Variants in HOXA1 observed in about 807,000 individuals in gnomAD.
The protein encoded by HOXA1 is homeobox protein Hox-A1.
Under a neutral mutation model 28.3 loss-of-function variants are expected in HOXA1, and 21 were observed. The observed-to-expected ratio is 0.74, with a 90% CI of 0.53 to 1.07. The LOEUF is 1.07. HOXA1 is among the 50% of genes least tolerant of loss of function. The pLI is 0.00. For missense variants in HOXA1, 446 were observed against 434.3 expected, an observed-to-expected ratio of 1.03 and a Z score of -0.24; for synonymous variants, 208 against 181.2, an observed-to-expected ratio of 1.15 and a Z score of -1.19.
In HOXA1 at chr7:27,094,368, T is replaced by C. The variant is rs1287328509; in HGVS notation, c.*72A>G. The stretch of plus-strand genomic sequence containing the variant: ...ACTGTAAATGGAAAGAAAGATAAGC[T>C]AAGCATGTGCTTTGGGTAAGAAGTC... On this transcript the variant is annotated 3_prime_UTR_variant, in exon 2 of 2. Transcript: ENST00000643460. 1.0e-6 allele frequency: 1 copy of C among 1,004,232 alleles called. No homozygotes were observed. Among genetic ancestry groups the C allele is most frequent in the African/African-American group, 1.6e-5 (1 of 63,258 alleles). 62.2% of individuals were successfully genotyped at this position (1,004,232 alleles called of 1,614,324 possible).
chr7:27,095,815 C>G lies in HOXA1; in HGVS notation c.98G>C (p.Arg33Thr). ...CGCGCACGACTGGAAAGTTGTAATC[C>G]TATGGTCCGAGGGGTAGGCTCGGGC... ...CSARAYPSDH[R>T]ITTFQSCAVS... Residue 33 changes from arginine to threonine, a missense_variant, in exon 1 of 2, where the codon AGG becomes ACG. Arg to Thr is a moderately conservative substitution (Grantham distance 71). Coordinates refer to ENST00000643460, the MANE Select transcript of HOXA1 (RefSeq NM_005522.5). 6.2e-7 allele frequency: 1 copy of G among 1,614,016 alleles called. No homozygotes were observed. Among genetic ancestry groups the G allele is most frequent in the East Asian group, 2.2e-5 (1 of 44,854 alleles).
Position 27,095,793 on chromosome 7 carries a change from G to C in HOXA1, c.120C>G (p.Cys40Trp), listed in dbSNP as rs200922808. The change falls in exon 1 of 2, where the codon TGC becomes TGG. Residue 40 changes from cysteine to tryptophan, a missense_variant. Physicochemically the swap from Cys to Trp is radical, Grantham distance 215. Transcript: ENST00000643460. ...CGCCGCAACTGTTGGCGCTGACCGC[G>C]CACGACTGGAAAGTTGTAATCCTAT... ...SDHRITTFQSCAVSANSCGGD... is the reference protein window; with the variant it reads ...SDHRITTFQSWAVSANSCGGD... 1.6e-5 allele frequency: 26 copies of C among 1,613,570 alleles called. No individual in the cohort carries two copies. The Admixed American group carries it at 2.3e-4, about 14-fold the overall frequency.
chr7:27,094,835 A>T (rs1314290493), intron 1 of HOXA1, 40 bp from the exon 2 acceptor site: 7 of 1,512,038 alleles, frequency 4.6e-6, no homozygotes, highest in Non-Finnish European at 6.4e-6. Flanking sequence ...AAATGTAAAA[A>T]TTTTTAAATC....
chr7:27,094,584 C>T lies in HOXA1; in HGVS notation c.864G>A (p.Glu288=). ...GAGAGATGGGCAAGAGACCCTCCTT[C>T]TCACGTTTCTTTTGCTTCATTCGGC... ...QNRRMKQKKR[E]KEGLLPISPA... is the part of the protein sequence containing the mutation. The change falls in exon 2 of 2, where the codon GAG becomes GAA. Residue 288 remains glutamate (E), a synonymous_variant. Coordinates refer to ENST00000643460, the MANE Select transcript of HOXA1 (RefSeq NM_005522.5). 1 of 1,614,212 alleles carries T rather than the reference C, an allele frequency of 6.2e-7. No homozygotes were observed. The highest frequency in any genetic ancestry group is 8.5e-7 in the Non-Finnish European group (1 of 1,180,032).
rs2128033069 is a variant in HOXA1 at position 27,095,487 on chromosome 7, A to G, written c.426T>C (p.His142=). The G allele has an allele frequency of 1.9e-6, 3 of 1,613,866 alleles. No homozygotes were observed. The highest frequency in any genetic ancestry group is 2.5e-6 in the Non-Finnish European group (3 of 1,179,960). The change falls in exon 1 of 2, where the codon CAT becomes CAC. Residue 142 remains histidine, a synonymous_variant. Coordinates refer to ENST00000643460, the MANE Select transcript of HOXA1 (RefSeq NM_005522.5). ...SGNLSSPMVQ[H]HHHHQGYAGG... ...CAGCATAACCCTGGTGGTGGTGGTG[A>G]TGCTGGACCATGGGAGATGAGAGAT...
At position 27,094,400 on chromosome 7, in the gene HOXA1, C is replaced by G. The variant is rs368587915; in HGVS notation, c.*40G>C. 2.2e-6 allele frequency: 3 copies of G among 1,391,328 alleles called. No individual in the cohort carries two copies. Among genetic ancestry groups the G allele is most frequent in the African/African-American group, 2.8e-5 (2 of 70,424 alleles). 86.2% of individuals were successfully genotyped at this position (1,391,328 alleles called of 1,614,324 possible). On this transcript the variant is annotated 3_prime_UTR_variant, in exon 2 of 2. Coordinates refer to ENST00000643460, the MANE Select transcript of HOXA1 (RefSeq NM_005522.5). ...GTGCTTTGGGTAAGAAGTCCCAGCC[C>G]AAGGAGATGCCTGGGCTGTTGTCTG...
Position 27,095,980 on chromosome 7 carries a change from G to A in HOXA1, c.-68C>T. 2 of 1,277,602 alleles carry A rather than the reference G, an allele frequency of 1.6e-6. No homozygotes were observed. Among genetic ancestry groups the A allele is most frequent in the South Asian group, 2.4e-5 (2 of 84,142 alleles). The allele number at this position is 1,277,602 out of a possible 1,614,324, so 79.1% of individuals were successfully genotyped here. On this transcript the variant is annotated 5_prime_UTR_variant, in exon 1 of 2. Coordinates refer to ENST00000643460, the MANE Select transcript of HOXA1 (RefSeq NM_005522.5). ...TGCCAACTTTCTCACTTCCTCCATGGGGCCGGAGAAGAAAAATGATATGAA... is the reference window on the plus strand; with the variant it reads ...TGCCAACTTTCTCACTTCCTCCATGAGGCCGGAGAAGAAAAATGATATGAA...
In HOXA1 at chr7:27,094,527, G is replaced by A. The variant is rs754884149; in HGVS notation, c.921C>T (p.Ala307=). Residue 307 remains alanine, a synonymous_variant, in exon 2 of 2, where the codon GCC becomes GCT. Transcript: ENST00000643460. ...PATPPGNDEK[A]EESSEKSSSS... is the part of the protein sequence containing the mutation. The stretch of plus-strand genomic sequence containing the variant: ...AGCTGGACTTCTCTGAGGATTCCTC[G>A]GCCTTCTCGTCGTTTCCTGGCGGGG... 2 of 1,614,182 alleles carry A rather than the reference G, an allele frequency of 1.2e-6. No homozygotes were observed. The highest frequency in any genetic ancestry group is 2.2e-5 in the East Asian group (1 of 44,880).
In HOXA1 at chr7:27,095,789, C is replaced by T. The variant is rs865943119; in HGVS notation, c.124G>A (p.Val42Ile). The change falls in exon 1 of 2, where the codon GTC becomes ATC. Residue 42 changes from valine (V) to isoleucine (I), a missense_variant. Val to Ile is a conservative substitution (Grantham distance 29). Coordinates refer to ENST00000643460, the MANE Select transcript of HOXA1 (RefSeq NM_005522.5). ...TCGCCGCCGCAACTGTTGGCGCTGA[C>T]CGCGCACGACTGGAAAGTTGTAATC... ...HRITTFQSCA[V>I]SANSCGGDDR... is the part of the protein sequence containing the mutation. The T allele has an allele frequency of 2.5e-6, 4 of 1,613,330 alleles. No homozygotes were observed. The highest frequency in any genetic ancestry group is 3.3e-5 in the Admixed American group (2 of 59,994).
In HOXA1 at chr7:27,095,923, G is replaced by A; in HGVS notation, c.-11C>T. On this transcript the variant is annotated 5_prime_UTR_variant, in exon 1 of 2. Coordinates refer to ENST00000643460, the MANE Select transcript of HOXA1 (RefSeq NM_005522.5). ...TCTTGCATTGTCCATCTGTCACTGA[G>A]TGACCTGGTCCTGCGAAGCCCGGCG... 6.2e-7 allele frequency: 1 copy of A among 1,612,768 alleles called. No homozygotes were observed. The highest frequency in any genetic ancestry group is 8.5e-7 in the Non-Finnish European group (1 of 1,179,688).
Position 27,095,978 on chromosome 7 carries a change from T to C in HOXA1, c.-66A>G, listed in dbSNP as rs376159031. 28 of 1,020,232 alleles carry C rather than the reference T, an allele frequency of 2.7e-5. No homozygotes were observed. Among genetic ancestry groups the C allele is most frequent in the East Asian group, 1.6e-4 (3 of 18,492 alleles). The allele number at this position is 1,020,232 out of a possible 1,614,324, so 63.2% of individuals were successfully genotyped here. A position where few individuals can be genotyped will look rare whatever the true frequency, so the allele number is the denominator to read the frequency against. On this transcript the variant is annotated 5_prime_UTR_variant, in exon 1 of 2. An upstream start codon of the reference 5' UTR is lost. Transcript: ENST00000643460. ...TGTGCCAACTTTCTCACTTCCTCCA[T>C]GGGGCCGGAGAAGAAAAATGATATG...
rs746688404 is a variant in HOXA1 at position 27,094,565 on chromosome 7, T to C, written c.883A>G (p.Ile295Val). The C allele has an allele frequency of 6.2e-7, 1 of 1,614,190 alleles. No homozygotes were observed. The highest frequency in any genetic ancestry group is 8.5e-7 in the Non-Finnish European group (1 of 1,180,014). ...KKREKEGLLP[I>V]SPATPPGNDE... Reference sequence around the variant, plus strand: ...TTTCCTGGCGGGGTGGCCGGAGAGATGGGCAAGAGACCCTCCTTCTCACGT... The same window carrying C: ...TTTCCTGGCGGGGTGGCCGGAGAGACGGGCAAGAGACCCTCCTTCTCACGT... Residue 295 changes from isoleucine (I) to valine (V), a missense_variant, in exon 2 of 2, where the codon ATC (isoleucine) becomes GTC (valine). Physicochemically the swap from Ile to Val is conservative, Grantham distance 29. Transcript: ENST00000643460.
At position 27,094,557 on chromosome 7, in the gene HOXA1, C is replaced by T. The variant is rs1161636305; in HGVS notation, c.891G>A (p.Pro297=). The T allele has an allele frequency of 2.5e-6, 4 of 1,614,162 alleles. No individual in the cohort carries two copies. The South Asian group carries it at 3.3e-5, about 13-fold the overall frequency. The change falls in exon 2 of 2, where the codon CCG becomes CCA. Residue 297 remains proline, a synonymous_variant. Coordinates refer to ENST00000643460, the MANE Select transcript of HOXA1 (RefSeq NM_005522.5). ...TCTCGTCGTTTCCTGGCGGGGTGGC[C>T]GGAGAGATGGGCAAGAGACCCTCCT... is the stretch of plus-strand genomic sequence containing the variant. The part of the protein sequence containing the change: ...REKEGLLPIS[P]ATPPGNDEKA...
rs1171924849 is a variant in HOXA1 at position 27,095,884 on chromosome 7, A to G, written c.29T>C (p.Leu10Pro). The change falls in exon 1 of 2, where the codon CTG becomes CCG. Residue 10 changes from leucine to proline, a missense_variant. By Grantham distance (98) the Leu-to-Pro change is moderately conservative. Coordinates refer to ENST00000643460, the MANE Select transcript of HOXA1 (RefSeq NM_005522.5). MDNARMNSFLEYPILSSGDS... is the reference protein window; with the variant it reads MDNARMNSFPEYPILSSGDS... The stretch of plus-strand genomic sequence containing the variant: ...GCCACTGCTAAGTATGGGGTATTCC[A>G]GGAAGGAGTTCATTCTTGCATTGTC... The G allele has an allele frequency of 1.9e-6, 3 of 1,613,778 alleles. No individual in the cohort carries two copies. Among genetic ancestry groups the G allele is most frequent in the South Asian group, 2.2e-5 (2 of 91,088 alleles).
intron 1 of HOXA1, 116 bp from the exon 2 acceptor site, chr7:27,094,911 A>T: frequency 1.2e-6 from 1 of 817,264 alleles, no homozygotes; most frequent in Non-Finnish European, 2.0e-6. Flanking sequence ...AACTCAGCAC[A>T]AATCGGGCTG....
chr7:27,095,153 G>C (rs1205255379), intron 1 of HOXA1, 108 bp downstream of exon 1: 24 of 1,249,984 alleles, frequency 1.9e-5, no homozygotes, highest in South Asian at 3.9e-5. Context: ...ACACTAGTCT[G>C]ATACAAAAGC....
Position 27,095,977 on chromosome 7 carries a change from A to C in HOXA1, c.-65T>G. On this transcript the variant is annotated 5_prime_UTR_variant, in exon 1 of 2. The change abolishes an upstream ATG in the 5' untranslated region. Transcript: ENST00000643460. ...CTGTGCCAACTTTCTCACTTCCTCC[A>C]TGGGGCCGGAGAAGAAAAATGATAT... 6.8e-6 allele frequency: 7 copies of C among 1,024,914 alleles called. No homozygotes were observed. Among genetic ancestry groups the C allele is most frequent in the South Asian group, 1.2e-5 (1 of 81,030 alleles). The allele number at this position is 1,024,914 out of a possible 1,614,324, so 63.5% of individuals were successfully genotyped here. A position where few individuals can be genotyped will look rare whatever the true frequency, so the allele number is the denominator to read the frequency against.
rs2128032382 is a variant in HOXA1 at position 27,093,636 on chromosome 7, A to G, written c.*804T>C. On this transcript the variant is annotated 3_prime_UTR_variant, in exon 2 of 2. Transcript: ENST00000643460. ...TTTGAATAATACTTTTAGGTTCTGA[A>G]TAACCCAGCACAAATTTTAAACAGA... 2 of 152,652 alleles carry G rather than the reference A, an allele frequency of 1.3e-5. No individual in the cohort carries two copies. The highest frequency in any genetic ancestry group is 4.1e-4 in the South Asian group (2 of 4,832). The allele number at this position is 152,652 out of a possible 1,614,324, so 9.5% of individuals were successfully genotyped here.
chr7:27,095,693 G>A lies in HOXA1; in HGVS notation c.220C>T (p.His74Tyr). ...PHHHHHHHHR[H>Y]PQPATYQTSG... ...GTCTGGTAGGTAGCCGGCTGGGGGT[G>A]GCGATGGTGGTGGTGGTGGTGGTGG... The change falls in exon 1 of 2, where the codon CAC (histidine) becomes TAC (tyrosine). Residue 74 changes from histidine (H) to tyrosine (Y), a missense_variant. Coordinates refer to ENST00000643460, the MANE Select transcript of HOXA1 (RefSeq NM_005522.5). The A allele has an allele frequency of 1.3e-6, 2 of 1,504,934 alleles. No individual in the cohort carries two copies. The highest frequency in any genetic ancestry group is 1.8e-6 in the Non-Finnish European group (2 of 1,095,662). 93.2% of individuals were successfully genotyped at this position (1,504,934 alleles called of 1,614,324 possible). A position where few individuals can be genotyped will look rare whatever the true frequency, so the allele number is the denominator to read the frequency against.
Sources: gnomAD v4.1 joint callset for allele counts on GRCh38, gnomAD v4.1.1 for gene constraint, MANE v1.5 for transcripts, NCBI Gene and HGNC (gene_info 2026-07-23, HGNC 2026-07-21) for gene names.